MACROD2: variants seen among roughly 807,000 people sequenced by gnomAD.
The protein encoded by MACROD2 is ADP-ribose glycohydrolase MACROD2.
A neutral mutation model predicts 70.4 loss-of-function variants in MACROD2; 36 were observed. The ratio of observed to expected loss-of-function variants is 0.51; its 90% CI spans 0.39 to 0.68. MACROD2 has a LOEUF of 0.68. Among genes scored for constraint, MACROD2 ranks in the 30% least tolerant of loss-of-function variants. The probability of loss-of-function intolerance (pLI) is 0.00; values close to 1 mark genes in which losing one functional copy is unlikely to be tolerated. For synonymous variants in MACROD2, 172 were observed against 178.8 expected (o/e 0.96, Z 0.30); for missense variants, 496 against 538.4 (o/e 0.92, Z 0.78).
intron 8 of MACROD2, among the ~76,000 whole-genome samples, chr20:15,518,082 A>T (rs1354808171): frequency 2.6e-5 from 4 of 152,248 alleles, no homozygotes; most frequent in Admixed American, 1.3e-4. Flanking sequence ...GCAGCATACA[A>T]TTTTGGGTGC....
chr20:15,725,885 T>C (rs1207431870), intron 8 of MACROD2, among the ~76,000 whole-genome samples: 2 of 152,210 alleles, frequency 1.3e-5, no homozygotes, highest in East Asian at 3.9e-4. Context: ...CAGGAACATC[T>C]GCGGGTTTGT....
intron 8 of MACROD2, among the ~76,000 whole-genome samples, chr20:15,821,437 T>C (rs1034956958): frequency 1.3e-5 from 2 of 152,142 alleles, no homozygotes; most frequent in Non-Finnish European, 2.9e-5. Flanking sequence ...TATTGGGTGC[T>C]AATAATACAT....
chr20:14,224,521 T>C (rs971907208), intron 3 of MACROD2, among the ~76,000 whole-genome samples: 2 of 152,194 alleles, frequency 1.3e-5, no homozygotes, highest in African/African-American at 4.8e-5. Context: ...TACAGACTGC[T>C]GAACTGAGGC....
chr20:15,677,545 C>A (rs986028927), intron 8 of MACROD2, among the ~76,000 whole-genome samples: 1 of 152,106 alleles, frequency 6.6e-6, no homozygotes, highest in Non-Finnish European at 1.5e-5. Flanking sequence ...ACTGCTACTA[C>A]CAGGAATAGC....
intron 9 of MACROD2, among the ~76,000 whole-genome samples, chr20:15,879,897 A>G (rs138870989): frequency 3.9e-5 from 6 of 152,100 alleles, no homozygotes; most frequent in African/African-American, 1.4e-4. Flanking sequence ...CAGGCTTCAG[A>G]CCCAAGAAGA....
intron 3 of MACROD2, among the ~76,000 whole-genome samples, chr20:14,415,794 CT>C (rs2083797472): frequency 6.6e-6 from 1 of 152,128 alleles, no homozygotes; most frequent in African/African-American, 2.4e-5. Flanking sequence ...GTGGTCTATC[CT>C]TTCCTGGTAG....
At chr20:15,283,123 T>C (rs2146091796) in intron 6 of MACROD2, among the ~76,000 whole-genome samples, 1 of 152,248 alleles carries the variant, frequency 6.6e-6, no homozygotes, top group East Asian at 1.9e-4. Context: ...GCCCATATGA[T>C]CCAACTACCT....
chr20:15,923,688 T>C (rs1469627763), intron 10 of MACROD2, among the ~76,000 whole-genome samples: 2 of 151,274 alleles, frequency 1.3e-5, no homozygotes, highest in Admixed American at 6.6e-5. Flanking sequence ...GTACTCCAGA[T>C]AGAGTAATTT....
chr20:14,367,029 TTGATC>T (rs1467653073), intron 3 of MACROD2, among the ~76,000 whole-genome samples: 3 of 152,320 alleles, frequency 2.0e-5, no homozygotes, highest in Non-Finnish European at 4.4e-5. Context: ...GTGTGCTTTT[TTGATC>T]CCTTTTCCAT....
intron 3 of MACROD2, among the ~76,000 whole-genome samples, chr20:14,179,736 G>A (rs1039308642): frequency 6.6e-6 from 1 of 152,148 alleles, no homozygotes; most frequent in African/African-American, 2.4e-5. Context: ...GCCAGAATTT[G>A]AAGGATTTAT....
At chr20:15,092,263 A>G (rs2075798033) in intron 5 of MACROD2, among the ~76,000 whole-genome samples, 1 of 151,830 alleles carries the variant, frequency 6.6e-6, no homozygotes, top group South Asian at 2.1e-4. Flanking sequence ...AAATTTTCAA[A>G]TGTGGGTTAA....
intron 12 of MACROD2, among the ~76,000 whole-genome samples, chr20:15,961,080 T>C (rs2066053592): frequency 6.6e-6 from 1 of 152,052 alleles, no homozygotes; most frequent in African/African-American, 2.4e-5. Context: ...GATTGTAAAA[T>C]AGCATGCGGT....
At chr20:15,286,152 G>A (rs1424379253) in intron 6 of MACROD2, among the ~76,000 whole-genome samples, 3 of 152,128 alleles carry the variant, frequency 2.0e-5, no homozygotes, top group African/African-American at 4.8e-5. Context: ...GTTGAGGAAG[G>A]CGAAGAAGAG....
rs1041170631 is a variant in MACROD2, at chr20:15,865,368, T to C, written c.727+2542T>C. On this transcript the variant is annotated intron_variant, in intron 9 of 17. Transcript: ENST00000684519. ...CAATAATAATGATTAATAATAATCA[T>C]AATTAATATATTTAATAACATAACA... 8.6e-5 allele frequency among the ~76,000 whole-genome samples: 13 copies of C among 150,502 alleles called. 1 individual carries two copies. The highest frequency in any genetic ancestry group is 1.9e-4 in the Non-Finnish European group (13 of 67,560).
chr20:15,247,779 C>T (rs1255694593), intron 6 of MACROD2, among the ~76,000 whole-genome samples: 3 of 151,998 alleles, frequency 2.0e-5, no homozygotes, highest in Non-Finnish European at 4.4e-5. Context: ...CTCACTGCAA[C>T]CTCCACCTCC....
chr20:15,114,624 A>G (rs1483156233), intron 5 of MACROD2, among the ~76,000 whole-genome samples: 1 of 152,226 alleles, frequency 6.6e-6, no homozygotes, highest in African/African-American at 2.4e-5. Context: ...AGCCATGCCC[A>G]GACTTCTGAT....
chr20:15,968,472 G>C (rs1420486535), intron 13 of MACROD2, among the ~76,000 whole-genome samples: 2 of 151,892 alleles, frequency 1.3e-5, no homozygotes, highest in Non-Finnish European at 2.9e-5. Flanking sequence ...AATATAGAAA[G>C]GAAGGCAAAA....
intron 6 of MACROD2, among the ~76,000 whole-genome samples, chr20:15,407,963 G>A (rs2046026707): frequency 6.6e-6 from 1 of 152,172 alleles, no homozygotes; most frequent in South Asian, 2.1e-4. Context: ...ACACCCCAAA[G>A]TCTCTCAGCG....
intron 5 of MACROD2, among the ~76,000 whole-genome samples, chr20:15,001,378 C>T (rs1305751053): frequency 6.6e-6 from 1 of 152,154 alleles, no homozygotes; most frequent in Admixed American, 6.5e-5. Flanking sequence ...AAAAGTAGCA[C>T]AGCACTCTGC....
Sources: gnomAD v4.1 joint callset for allele counts (sites outside exome capture counted in the v4.1 genomes callset) on GRCh38, gnomAD v4.1.1 for gene constraint, MANE v1.5 for transcripts, NCBI Gene and HGNC (gene_info 2026-07-23, HGNC 2026-07-21) for gene names.